FCHSD2: variants seen among roughly 807,000 people sequenced by gnomAD.
The protein encoded by FCHSD2 is F-BAR and double SH3 domains protein 2.
A neutral mutation model predicts 108.1 loss-of-function variants in FCHSD2; 38 were observed. That is an observed-to-expected ratio of 0.35 (90% CI 0.27 to 0.46). The LOEUF is 0.46. Ranked by LOEUF, FCHSD2 falls within the 20% of genes least tolerant of loss-of-function variation. The pLI is 1.00. For synonymous variants in FCHSD2, 279 were observed against 314.7 expected (o/e 0.89, Z 1.20); for missense variants, 751 against 897.8 (o/e 0.84, Z 2.09).
At chr11:72,928,291 A>G (rs986220186) in intron 8 of FCHSD2, among the ~76,000 whole-genome samples, 6 of 152,170 alleles carry the variant, frequency 3.9e-5, no homozygotes, top group Admixed American at 2.0e-4. Context: ...TATATTTTGC[A>G]AAGTAGAAAT....
chr11:73,118,700 TATG>T lies in FCHSD2; in HGVS notation c.119+21328_119+21330del, dbSNP rs369033136. 1.7e-4 allele frequency among the ~76,000 whole-genome samples: 26 copies of T among 152,318 alleles called. No homozygotes were observed. The East Asian group carries it at 4.8e-3, about 28-fold the overall frequency. ...ATTTTCATTGCATGTGATCAGAGAA[TATG>T]ATGATACTATAATGATGATGGCAAA... On this transcript the variant is annotated intron_variant, in intron 2 of 19. Coordinates refer to ENST00000409418, the MANE Select transcript of FCHSD2 (RefSeq NM_014824.3).
intron 3 of FCHSD2, among the ~76,000 whole-genome samples, chr11:73,058,206 C>T (rs1419555651): frequency 6.6e-6 from 1 of 152,020 alleles, no homozygotes; most frequent in Non-Finnish European, 1.5e-5. Flanking sequence ...AGGTATTGGA[C>T]CATTATTGTT....
intron 3 of FCHSD2, among the ~76,000 whole-genome samples, chr11:73,023,919 T>C (rs574448643): frequency 1.3e-5 from 2 of 152,306 alleles, no homozygotes; most frequent in African/African-American, 4.8e-5. Flanking sequence ...TTACACACTG[T>C]ATTATTCCAT....
At chr11:73,030,701 G>C (rs1858338947) in intron 3 of FCHSD2, among the ~76,000 whole-genome samples, 1 of 152,070 alleles carries the variant, frequency 6.6e-6, no homozygotes, top group Non-Finnish European at 1.5e-5. Flanking sequence ...AAAAAATACT[G>C]TATATATTTA....
chr11:72,909,510 G>A (rs914099657), intron 9 of FCHSD2, among the ~76,000 whole-genome samples: 6 of 151,758 alleles, frequency 4.0e-5, no homozygotes, highest in Admixed American at 2.0e-4. Flanking sequence ...TCTGGGATGT[G>A]AGGAGCCCCT....
chr11:72,919,008 T>C (rs1489201495), intron 9 of FCHSD2, among the ~76,000 whole-genome samples: 1 of 152,154 alleles, frequency 6.6e-6, no homozygotes, highest in East Asian at 1.9e-4. Flanking sequence ...TCTGTTTCCA[T>C]TTAGGGGATG....
chr11:73,016,028 C>T (rs904091476), intron 3 of FCHSD2, 143 bp from the exon 4 acceptor site: 35 of 588,174 alleles, frequency 6.0e-5, no homozygotes, highest in South Asian at 2.3e-4. Flanking sequence ...ATAGGCTGCA[C>T]GTGGTGGCTT....
intron 8 of FCHSD2, among the ~76,000 whole-genome samples, chr11:72,975,633 T>C (rs1440607671): frequency 1.3e-5 from 2 of 152,104 alleles, no homozygotes; most frequent in Admixed American, 1.3e-4. Flanking sequence ...ACACTATAAA[T>C]ATATAGTTAT....
intron 2 of FCHSD2, among the ~76,000 whole-genome samples, chr11:73,135,430 T>C (rs1861100294): frequency 6.6e-6 from 1 of 152,202 alleles, no homozygotes; most frequent in Non-Finnish European, 1.5e-5. Context: ...TAAACTGTCC[T>C]CTAAGAAGGT....
intron 3 of FCHSD2, among the ~76,000 whole-genome samples, chr11:73,047,567 C>A (rs1353670200): frequency 6.6e-6 from 1 of 152,146 alleles, no homozygotes; most frequent in African/African-American, 2.4e-5. Flanking sequence ...AAAAAGAAAT[C>A]CTGAAATAAA....
At chr11:72,873,751 G>A (rs1008932823) in intron 12 of FCHSD2, among the ~76,000 whole-genome samples, 1 of 152,080 alleles carries the variant, frequency 6.6e-6, no homozygotes, top group Non-Finnish European at 1.5e-5. Flanking sequence ...TATATATGAT[G>A]TAAAGTGGGG....
intron 8 of FCHSD2, among the ~76,000 whole-genome samples, chr11:72,939,046 C>G (rs1035259187): frequency 7.2e-5 from 11 of 152,178 alleles, no homozygotes; most frequent in African/African-American, 2.6e-4. Flanking sequence ...AGTAGCCAAA[C>G]TGTACTTTTT....
intron 13 of FCHSD2, among the ~76,000 whole-genome samples, chr11:72,856,470 G>C (rs1194301346): frequency 6.6e-6 from 1 of 152,088 alleles, no homozygotes; most frequent in African/African-American, 2.4e-5. Context: ...ATGTCCTTCT[G>C]TATCCCATAA....
intron 8 of FCHSD2, among the ~76,000 whole-genome samples, chr11:72,947,594 T>C (rs543893360): frequency 1.3e-5 from 2 of 152,224 alleles, no homozygotes; most frequent in African/African-American, 2.4e-5. Flanking sequence ...CACCACTATA[T>C]TGCTGGTCCT....
At chr11:73,073,226 A>G (rs1859474615) in intron 3 of FCHSD2, among the ~76,000 whole-genome samples, 1 of 152,266 alleles carries the variant, frequency 6.6e-6, no homozygotes. Flanking sequence ...AATGTTGCTC[A>G]GTTATTCTTA....
chr11:73,030,526 A>G (rs1376562090), intron 3 of FCHSD2, among the ~76,000 whole-genome samples: 1 of 152,190 alleles, frequency 6.6e-6, no homozygotes, highest in East Asian at 1.9e-4. Flanking sequence ...ACATTCAAGA[A>G]TACTGTTACG....
rs549924307 is a variant in FCHSD2 at position 73,017,143 on chromosome 11, C to T, written c.166-1258G>A. 2.0e-5 allele frequency among the ~76,000 whole-genome samples: 3 copies of T among 152,202 alleles called. No homozygotes were observed. In the East Asian group the frequency reaches 5.8e-4, roughly 29 times the overall value. ...GACTACAGGCACATGCCACTGAGCCCAGCTAACTTTTTGTATTTTTAGTAG... is the reference window on the plus strand; with the variant it reads ...GACTACAGGCACATGCCACTGAGCCTAGCTAACTTTTTGTATTTTTAGTAG... On this transcript the variant is annotated intron_variant, in intron 3 of 19. Coordinates refer to ENST00000409418, the MANE Select transcript of FCHSD2 (RefSeq NM_014824.3).
At position 73,056,318 on chromosome 11, in the gene FCHSD2, T is replaced by C. The variant is rs542120558; in HGVS notation, c.165+27377A>G. On this transcript the variant is annotated intron_variant, in intron 3 of 19. Coordinates refer to ENST00000409418, the MANE Select transcript of FCHSD2 (RefSeq NM_014824.3). The stretch of plus-strand genomic sequence containing the variant: ...GATGGTCTCCATCTTTAAAATCTCT[T>C]TGATGCAAACAAATTGCTAATTGAT... Among the ~76,000 whole-genome samples the C allele has an allele frequency of 5.9e-5, 9 of 152,322 alleles. No individual in the cohort carries two copies. The South Asian group carries it at 1.9e-3, about 32-fold the overall frequency.
intron 10 of FCHSD2, among the ~76,000 whole-genome samples, chr11:72,899,911 C>T (rs781544735): frequency 6.6e-6 from 1 of 152,082 alleles, no homozygotes; most frequent in African/African-American, 2.4e-5. Context: ...CTATTGCAAT[C>T]ACAACAGTAA....
Sources: gnomAD v4.1 joint callset for allele counts (sites outside exome capture counted in the v4.1 genomes callset) on GRCh38, gnomAD v4.1.1 for gene constraint, MANE v1.5 for transcripts, NCBI Gene and HGNC (gene_info 2026-07-23, HGNC 2026-07-21) for gene names.